The following SMURF2 variants were observed in gnomAD, a reference collection of about 807,000 sequenced individuals.
SMURF2 encodes E3 ubiquitin-protein ligase SMURF2.
In SMURF2, 48 loss-of-function variants were observed where a neutral mutation model predicts 109.6. That is an observed-to-expected ratio of 0.44 (90% CI 0.35 to 0.56). The LOEUF is 0.56. Ranked by LOEUF, SMURF2 falls within the 20% of genes least tolerant of loss-of-function variation. The pLI, the probability that SMURF2 is intolerant of heterozygous loss-of-function variation, is 0.01. For synonymous variants in SMURF2, 288 were observed against 317.1 expected (o/e 0.91, Z 0.97); for missense variants, 575 against 909.0 (o/e 0.63, Z 4.72).
chr17:64,559,549 C>T (rs575345065), intron 12 of SMURF2, among the ~76,000 whole-genome samples: 5 of 151,572 alleles, frequency 3.3e-5, no homozygotes, highest in South Asian at 4.2e-4. Flanking sequence ...GCCGAGATTG[C>T]GCCACTGCAC....
At chr17:64,604,357 G>C (rs1375139657) in intron 2 of SMURF2, among the ~76,000 whole-genome samples, 1 of 151,982 alleles carries the variant, frequency 6.6e-6, no homozygotes, top group Non-Finnish European at 1.5e-5. Flanking sequence ...AATTTTTACT[G>C]CCTACACCCA....
rs782660280 is a variant in SMURF2, at chr17:64,586,072, T to C, written c.485+14A>G. 6 of 1,569,506 alleles carry C rather than the reference T, an allele frequency of 3.8e-6. No individual in the cohort carries two copies. The highest frequency in any genetic ancestry group is 5.2e-6 in the Non-Finnish European group (6 of 1,145,990). On this transcript the variant is annotated intron_variant, in intron 6 of 18. Transcript: ENST00000262435. ...CTATATATTTCTCTAATGATTTCAG[T>C]GATGTTAGCTTACCCGTCTGGTAAA...
intron 1 of SMURF2, chr17:64,660,804 T>G (rs1231227090): frequency 6.6e-6 from 1 of 152,222 alleles, no homozygotes; most frequent in Non-Finnish European, 1.5e-5. Flanking sequence ...GATAACGCCG[T>G]GATTCCAATT....
chr17:64,596,585 C>CAAAAAAAAAAAAAA (rs201858792), intron 3 of SMURF2, among the ~76,000 whole-genome samples: 2 of 45,472 alleles, frequency 4.4e-5, no homozygotes, highest in African/African-American at 6.3e-5. Flanking sequence ...GGAGAGTAAA[C>CAAAAAAAAAAAAAA]AAAAAAAAAA....
At chr17:64,584,310 C>G (rs1555686852) in intron 6 of SMURF2, among the ~76,000 whole-genome samples, 1 of 134,208 alleles carries the variant, frequency 7.5e-6, no homozygotes, top group Non-Finnish European at 1.5e-5. Context: ...AAGAGCGAAA[C>G]TCCTTCTCAA....
At chr17:64,590,159 T>TTTTTTTTTA (rs1555687530) in intron 5 of SMURF2, among the ~76,000 whole-genome samples, 1 of 151,214 alleles carries the variant, frequency 6.6e-6, no homozygotes, top group African/African-American at 2.4e-5. Context: ...TTTTTTTTTT[T>TTTTTTTTTA]GAGACAGGGT....
chr17:64,580,186 G>T (rs1324899739), intron 8 of SMURF2, among the ~76,000 whole-genome samples: 2 of 152,100 alleles, frequency 1.3e-5, no homozygotes, highest in African/African-American at 4.8e-5. Context: ...TCACAAGATG[G>T]TATTAAATTA....
chr17:64,555,056 A>G, intron 14 of SMURF2, 63 bp from the exon 15 acceptor site: 1 of 1,447,080 alleles, frequency 6.9e-7, no homozygotes, highest in Non-Finnish European at 9.4e-7. Context: ...CTATAGATGT[A>G]TTAATTGGTG....
At chr17:64,582,094 T>C (rs559365664) in intron 7 of SMURF2, among the ~76,000 whole-genome samples, 1 of 152,278 alleles carries the variant, frequency 6.6e-6, no homozygotes, top group South Asian at 2.1e-4. Context: ...CTGACACAAG[T>C]ACATATTCAT....
intron 1 of SMURF2, among the ~76,000 whole-genome samples, chr17:64,608,500 C>T (rs1451566059): frequency 6.6e-6 from 1 of 152,092 alleles, no homozygotes; most frequent in African/African-American, 2.4e-5. Context: ...GAACTCCTCC[C>T]CAAACTTTTG....
intron 9 of SMURF2, chr17:64,573,123 AAAGAGGAGGAGGAGG>A (rs2144623481): frequency 1.1e-5 from 1 of 93,024 alleles, no homozygotes; most frequent in African/African-American, 4.3e-5. Flanking sequence ...TTATTAAAAA[AAAGAGGAGGAGGAGG>A]AGGAGGAGGA....
rs1396807593 is a variant in SMURF2 at position 64,545,014 on chromosome 17, TTAAAAG to T, written c.*828_*833del. The stretch of plus-strand genomic sequence containing the variant: ...GCTATAAAAATGCAGTATTTTAAGA[TTAAAAG>T]TAAATCCAAAATACCTAATCATATT... On this transcript the variant is annotated 3_prime_UTR_variant, in exon 19 of 19. Coordinates refer to ENST00000262435, the MANE Select transcript of SMURF2 (RefSeq NM_022739.4). 6.6e-6 allele frequency: 1 copy of T among 151,698 alleles called. No individual in the cohort carries two copies. The highest frequency in any genetic ancestry group is 1.5e-5 in the Non-Finnish European group (1 of 67,912). 9.4% of individuals were successfully genotyped at this position (151,698 alleles called of 1,614,324 possible). A position where few individuals can be genotyped will look rare whatever the true frequency, so the allele number is the denominator to read the frequency against.
At chr17:64,603,121 A>C (rs1322360153) in intron 2 of SMURF2, among the ~76,000 whole-genome samples, 1 of 151,912 alleles carries the variant, frequency 6.6e-6, no homozygotes, top group Non-Finnish European at 1.5e-5. Flanking sequence ...GGCCAAGAAA[A>C]AAAAAAAACA....
At chr17:64,561,814 T>G (rs555231905) in intron 11 of SMURF2, among the ~76,000 whole-genome samples, 5 of 150,980 alleles carry the variant, frequency 3.3e-5, no homozygotes, top group African/African-American at 1.2e-4. Context: ...CTGGGCAACA[T>G]AGTGAAACTC....
intron 9 of SMURF2, among the ~76,000 whole-genome samples, chr17:64,573,246 G>T (rs1598277347): frequency 6.2e-5 from 2 of 32,048 alleles, no homozygotes; most frequent in African/African-American, 2.0e-4. Flanking sequence ...GGAGGAGGAG[G>T]AGGAGGGGAG....
rs1441824482 is a variant in SMURF2, at chr17:64,591,218, T to C, written c.335-69A>G. On this transcript the variant is annotated intron_variant, in intron 4 of 18. Coordinates refer to ENST00000262435, the MANE Select transcript of SMURF2 (RefSeq NM_022739.4). ...ATCAGAGATTCTAACATCTATAGAG[T>C]GACAATAAATTTCCACAATCCATTA... 3 of 1,136,854 alleles carry C rather than the reference T, an allele frequency of 2.6e-6. No individual in the cohort carries two copies. In the Admixed American group the frequency reaches 5.9e-5, roughly 22 times the overall value. 70.4% of individuals were successfully genotyped at this position (1,136,854 alleles called of 1,614,324 possible).
chr17:64,545,750 G>A lies in SMURF2; in HGVS notation c.*98C>T, dbSNP rs1461874357. The A allele has an allele frequency of 9.1e-6, 2 of 219,914 alleles. No individual in the cohort carries two copies. The highest frequency in any genetic ancestry group is 6.8e-5 in the African/African-American group (2 of 29,482). 13.6% of individuals were successfully genotyped at this position (219,914 alleles called of 1,614,324 possible). A position where few individuals can be genotyped will look rare whatever the true frequency, so the allele number is the denominator to read the frequency against. On this transcript the variant is annotated 3_prime_UTR_variant, in exon 19 of 19. Coordinates refer to ENST00000262435, the MANE Select transcript of SMURF2 (RefSeq NM_022739.4). ...AAAAAAAAAGGGGGGGGGGGGGAGTGTTTTCCTGTATTTCAGCATATTCTT... is the reference window on the plus strand; with the variant it reads ...AAAAAAAAAGGGGGGGGGGGGGAGTATTTTCCTGTATTTCAGCATATTCTT...
Position 64,596,585 on chromosome 17 carries a change from C to CAAAAAAAAAAAAAAAAAA in SMURF2, c.200+1779_200+1796dup, listed in dbSNP as rs201858792. Among the ~76,000 whole-genome samples, 41 of 45,386 alleles carry CAAAAAAAAAAAAAAAAAA rather than the reference C, an allele frequency of 9.0e-4. 1 individual carries two copies. The highest frequency in any genetic ancestry group is 0.043 in the Middle Eastern group (2 of 46). The allele number at this position is 45,386 out of a possible 152,430, so 29.8% of individuals were successfully genotyped here. The stretch of plus-strand genomic sequence containing the variant: ...AAGTTCACCGAAACAGGAGAGTAAA[C>CAAAAAAAAAAAAAAAAAA]AAAAAAAAAAAAAAAAAAAAAAAAG... On this transcript the variant is annotated intron_variant, in intron 3 of 18. Coordinates refer to ENST00000262435, the MANE Select transcript of SMURF2 (RefSeq NM_022739.4).
intron 1 of SMURF2, among the ~76,000 whole-genome samples, chr17:64,616,787 A>G (rs1254677789): frequency 6.6e-6 from 1 of 151,884 alleles, no homozygotes; most frequent in African/African-American, 2.4e-5. Context: ...ATCTTACTCT[A>G]GGCTGGCACA....
Sources: allele counts gnomAD v4.1 joint callset (sites outside exome capture counted in the v4.1 genomes callset), GRCh38; gene constraint gnomAD v4.1.1; transcripts MANE v1.5; gene names NCBI Gene and HGNC (gene_info 2026-07-23, HGNC 2026-07-21).